OPTN: variants seen among roughly 807,000 people sequenced by gnomAD.
OPTN encodes E3-14.7K-interacting protein.
A neutral mutation model predicts 70.4 loss-of-function variants in OPTN; 54 were observed. The observed-to-expected ratio is 0.77, with a 90% confidence interval of 0.62 to 0.96. OPTN has a LOEUF of 0.96. OPTN is among the 40% of genes least tolerant of loss of function. The probability of loss-of-function intolerance (pLI) is 0.00; values close to 1 mark genes in which losing one functional copy is unlikely to be tolerated. For missense variants in OPTN, 624 were observed against 673.2 expected, an observed-to-expected ratio of 0.93 and a Z score of 0.81; for synonymous variants, 256 against 248.5, an observed-to-expected ratio of 1.03 and a Z score of -0.28.
chr10:13,135,708 G>T (rs1361840675), intron 14 of OPTN, among the ~76,000 whole-genome samples: 2 of 152,014 alleles, frequency 1.3e-5, no homozygotes, highest in Non-Finnish European at 2.9e-5. Context: ...TTCTGGGAAG[G>T]TACACTCTGT....
At chr10:13,123,873 T>C (rs1833403945) in intron 8 of OPTN, 122 bp from the exon 9 acceptor site, 1 of 719,634 alleles carries the variant, frequency 1.4e-6, no homozygotes. Flanking sequence ...TTGTCAAAGT[T>C]GGATTGATTC....
At chr10:13,110,570 T>G (rs1167535377) in intron 4 of OPTN, 94 bp downstream of exon 4, 7 of 1,245,564 alleles carry the variant, frequency 5.6e-6, no homozygotes, top group Non-Finnish European at 8.0e-6. Flanking sequence ...ATCAAAACCT[T>G]TCATGGTTCA....
rs756957223 is a variant in OPTN at position 13,116,341 on chromosome 10, G to A, written c.626+1G>A. The A allele has an allele frequency of 1.9e-5, 31 of 1,610,808 alleles. No homozygotes were observed. Among genetic ancestry groups the A allele is most frequent in the Admixed American group, 5.0e-5 (3 of 59,994 alleles). The stretch of plus-strand genomic sequence containing the variant: ...CCACGAGAACAGTCTCCACTGGCAC[G>A]TATGTGAAGGAAGACTCGGGCTGTC... On this transcript the variant is annotated splice_donor_variant, in intron 6 of 14. Coordinates refer to ENST00000378747, the MANE Select transcript of OPTN (RefSeq NM_001008212.2). LOFTEE classifies it high-confidence loss of function.
At chr10:13,111,465 G>A (rs973300591) in intron 4 of OPTN, among the ~76,000 whole-genome samples, 1 of 152,078 alleles carries the variant, frequency 6.6e-6, no homozygotes, top group African/African-American at 2.4e-5. Flanking sequence ...TGGGAGGCTA[G>A]GGTGGGCAGA....
chr10:13,109,066 G>C, intron 2 of OPTN, 46 bp from the exon 3 acceptor site: 1 of 1,586,350 alleles, frequency 6.3e-7, no homozygotes, highest in Non-Finnish European at 8.6e-7. Flanking sequence ...GGGACCCCTT[G>C]TGGGGCGGGG....
chr10:13,115,457 TTATATAATATAG>T lies in OPTN; in HGVS notation c.553-809_553-798del, dbSNP rs1833164937. On this transcript the variant is annotated intron_variant, in intron 5 of 14. Coordinates refer to ENST00000378747, the MANE Select transcript of OPTN (RefSeq NM_001008212.2). ...TAGAATATATATAATATATTCTATA[TTATATAATATAG>T]AATATATATAATATATTCTATATTA... Among the ~76,000 whole-genome samples the T allele has an allele frequency of 9.9e-5, 10 of 100,714 alleles. No individual in the cohort carries two copies. The South Asian group carries it at 2.8e-3, about 29-fold the overall frequency. 66.1% of individuals were successfully genotyped at this position (100,714 alleles called of 152,430 possible). A position where few individuals can be genotyped will look rare whatever the true frequency, so the allele number is the denominator to read the frequency against.
intron 8 of OPTN, chr10:13,122,784 C>T (rs1348901145): frequency 2.9e-6 from 1 of 347,724 alleles, no homozygotes; most frequent in Non-Finnish European, 5.6e-6. Flanking sequence ...TCAAGCAGTT[C>T]TCCTGCCTCA....
chr10:13,114,332 G>A (rs1325258517), intron 5 of OPTN, among the ~76,000 whole-genome samples: 2 of 152,072 alleles, frequency 1.3e-5, no homozygotes, highest in East Asian at 3.9e-4. Flanking sequence ...CAATTGAAAA[G>A]CGTATTTTGC....
intron 2 of OPTN, chr10:13,108,880 A>T (rs1448538378): frequency 3.9e-6 from 2 of 516,254 alleles, no homozygotes; most frequent in Non-Finnish European, 7.1e-6. Flanking sequence ...ATACACACAC[A>T]CGCACACACA....
intron 8 of OPTN, chr10:13,123,140 A>T (rs1833387125): frequency 6.5e-6 from 1 of 154,896 alleles, no homozygotes; most frequent in African/African-American, 2.4e-5. Flanking sequence ...TTGAGGGAGA[A>T]TTGAAAGATT....
Position 13,136,757 on chromosome 10 carries a change from G to A in OPTN, c.1625G>A (p.Arg542Lys), listed in dbSNP as rs1266990694. 6.2e-7 allele frequency: 1 copy of A among 1,613,942 alleles called. No individual in the cohort carries two copies. Among genetic ancestry groups the A allele is most frequent in the Non-Finnish European group, 8.5e-7 (1 of 1,179,960 alleles). Residue 542 changes from arginine to lysine, a missense_variant, in exon 15 of 15, where the codon AGG becomes AAG. By Grantham distance (26) the Arg-to-Lys change is conservative. Transcript: ENST00000378747. The stretch of plus-strand genomic sequence containing the variant: ...TACTTATTCCCAGGAGCTGAGGACA[G>A]GGACTGGCGGCAACAGCGGAATATT... ...AYLVQRGAED[R>K]DWRQQRNIPI...
At chr10:13,135,193 G>A (rs1323741415) in intron 14 of OPTN, among the ~76,000 whole-genome samples, 1 of 152,100 alleles carries the variant, frequency 6.6e-6, no homozygotes, top group East Asian at 1.9e-4. Flanking sequence ...AAACCAAGAC[G>A]GTTTGCATTG....
intron 6 of OPTN, 31 bp from the exon 7 acceptor site, chr10:13,118,857 A>T: frequency 1.2e-6 from 2 of 1,609,470 alleles, no homozygotes; most frequent in Non-Finnish European, 1.7e-6. Flanking sequence ...AATTTTTCTG[A>T]TGAAAACCTT....
chr10:13,101,286 C>T (rs562262323), intron 1 of OPTN, among the ~76,000 whole-genome samples: 2 of 152,268 alleles, frequency 1.3e-5, no homozygotes, highest in South Asian at 4.2e-4. Context: ...CAATTTTAGG[C>T]GTTCTTTATA....
intron 8 of OPTN, among the ~76,000 whole-genome samples, 164 bp downstream of exon 8, chr10:13,122,651 G>C (rs1188550842): frequency 6.6e-6 from 1 of 152,146 alleles, no homozygotes; most frequent in Non-Finnish European, 1.5e-5. Context: ...GTCCTGCTCT[G>C]TGTCAATTGT....
chr10:13,108,983 A>C (rs547054950), intron 2 of OPTN, 129 bp from the exon 3 acceptor site: 1 of 828,170 alleles, frequency 1.2e-6, no homozygotes, highest in East Asian at 2.4e-5. Flanking sequence ...AATGTCCAAA[A>C]TGTAACTGGA....
At chr10:13,115,473 ATATATAATATATT>A (rs1588440406) in intron 5 of OPTN, among the ~76,000 whole-genome samples, 1 of 77,010 alleles carries the variant, frequency 1.3e-5, no homozygotes, top group East Asian at 2.7e-4. Context: ...AATATAGAAT[ATATATAATATATT>A]CTATATTATA....
At chr10:13,113,816 G>C (rs1226431831) in intron 5 of OPTN, among the ~76,000 whole-genome samples, 2 of 152,156 alleles carry the variant, frequency 1.3e-5, no homozygotes, top group African/African-American at 4.8e-5. Context: ...CCAGCACTTT[G>C]GGAGGCTGAG....
intron 6 of OPTN, among the ~76,000 whole-genome samples, chr10:13,117,276 T>G (rs1437779962): frequency 5.9e-5 from 9 of 151,488 alleles, no homozygotes; most frequent in Admixed American, 1.3e-4. Context: ...GAGATGGGGT[T>G]TCACCGTGTT....
Sources: gnomAD v4.1 joint callset for allele counts (sites outside exome capture counted in the v4.1 genomes callset) on GRCh38, gnomAD v4.1.1 for gene constraint, MANE v1.5 for transcripts, NCBI Gene and HGNC (gene_info 2026-07-23, HGNC 2026-07-21) for gene names.